The following SLC35F4 variants were observed in gnomAD, a reference collection of about 807,000 sequenced individuals.
SLC35F4 encodes the protein solute carrier family 35 member F4.
SLC35F4 carries 24 observed loss-of-function variants against 44.2 expected under a neutral mutation model. The ratio of observed to expected loss-of-function variants is 0.54; its 90% CI spans 0.39 to 0.76. The LOEUF is 0.76. Among genes scored for constraint, SLC35F4 ranks in the 30% least tolerant of loss-of-function variants. SLC35F4 has a pLI of 0.00. For synonymous variants in SLC35F4, 238 were observed against 223.6 expected (o/e 1.06, Z -0.57); for missense variants, 562 against 586.1 (o/e 0.96, Z 0.42).
At chr14:57,641,200 T>C (rs1476354129) in intron 1 of SLC35F4, among the ~76,000 whole-genome samples, 2 of 151,724 alleles carry the variant, frequency 1.3e-5, no homozygotes, top group East Asian at 3.9e-4. Flanking sequence ...ATCCTAATTA[T>C]TTACTCAGAG....
intron 1 of SLC35F4, among the ~76,000 whole-genome samples, chr14:57,726,407 C>G (rs1301547437): frequency 6.6e-6 from 1 of 152,182 alleles, no homozygotes; most frequent in Non-Finnish European, 1.5e-5. Context: ...ACATGACCAG[C>G]TGCAGAAACA....
chr14:57,622,940 A>G (rs2072269812), intron 1 of SLC35F4, among the ~76,000 whole-genome samples: 1 of 152,194 alleles, frequency 6.6e-6, no homozygotes, highest in Admixed American at 6.5e-5. Flanking sequence ...ATCATATGAC[A>G]GGATCGACTT....
intron 1 of SLC35F4, among the ~76,000 whole-genome samples, chr14:57,894,150 A>G (rs2207259): frequency 0.12 from 18,426 of 152,016 alleles, 1,409 homozygotes; most frequent in East Asian, 0.4. Flanking sequence ...AATTATAAAA[A>G]CCCTATGTTT....
chr14:57,740,691 G>A (rs911698014), intron 1 of SLC35F4, among the ~76,000 whole-genome samples: 4 of 152,180 alleles, frequency 2.6e-5, no homozygotes, highest in Admixed American at 2.6e-4. Flanking sequence ...TACTTATGGT[G>A]ATGGCTATCC....
intron 1 of SLC35F4, among the ~76,000 whole-genome samples, chr14:57,676,442 G>C (rs1224508849): frequency 2.6e-5 from 4 of 152,184 alleles, no homozygotes; most frequent in South Asian, 4.1e-4. Context: ...GGGGAAGAGA[G>C]AGCACCAGGA....
chr14:57,785,313 T>C (rs115280016), intron 1 of SLC35F4, among the ~76,000 whole-genome samples: 2,078 of 152,184 alleles, frequency 0.014, 27 homozygotes, highest in Middle Eastern at 0.034. Flanking sequence ...AACAAACTTC[T>C]CTCCTTGATG....
At chr14:57,948,677 TA>T (rs1401427626) in intron 1 of SLC35F4, among the ~76,000 whole-genome samples, 5 of 152,190 alleles carry the variant, frequency 3.3e-5, no homozygotes, top group Admixed American at 1.3e-4. Context: ...TTTAATGCTA[TA>T]AACTTTCCTC....
At chr14:57,974,912 C>T (rs1364400177), downstream of SLC35F4, among the ~76,000 whole-genome samples, 1 of 152,176 alleles carries the variant, frequency 6.6e-6, no homozygotes, top group Non-Finnish European at 1.5e-5. Flanking sequence ...CCTAGCTAGG[C>T]ATCAAAATCT....
chr14:57,907,542 T>C (rs1326706284), intron 1 of SLC35F4, among the ~76,000 whole-genome samples: 8 of 152,138 alleles, frequency 5.3e-5, no homozygotes, highest in Non-Finnish European at 7.4e-5. Flanking sequence ...TCCAAAAACA[T>C]GGGTTAAAAT....
chr14:57,959,949 C>T (rs1890309983), intron 1 of SLC35F4, among the ~76,000 whole-genome samples: 1 of 152,022 alleles, frequency 6.6e-6, no homozygotes, highest in African/African-American at 2.4e-5. Context: ...AAGAGGGCAC[C>T]AGGACTCCTG....
chr14:57,900,243 G>C (rs1034227750), intron 1 of SLC35F4, among the ~76,000 whole-genome samples: 1 of 152,186 alleles, frequency 6.6e-6, no homozygotes, highest in Non-Finnish European at 1.5e-5. Flanking sequence ...CCTCTCAGTG[G>C]CAGAACTTTC....
Position 57,589,315 on chromosome 14 carries a change from G to A in SLC35F4, c.488C>T (p.Thr163Ile), listed in dbSNP as rs2139887987. 1.2e-6 allele frequency: 2 copies of A among 1,613,962 alleles called. No individual in the cohort carries two copies. The highest frequency in any genetic ancestry group is 4.5e-5 in the East Asian group (2 of 44,882). ...AATGTTCCAGTTTGTTGAAAACCAA[G>A]TCATGAAAAATGGGCAATAGAAGTT... ...YKNFYCPFFM[T>I]WFSTNWNIMF... Residue 163 changes from threonine (T) to isoleucine (I), a missense_variant, in exon 3 of 8, where the codon ACT (threonine) becomes ATT (isoleucine). Transcript: ENST00000556826.
At chr14:57,747,190 T>C (rs563282151) in intron 1 of SLC35F4, among the ~76,000 whole-genome samples, 63 of 152,276 alleles carry the variant, frequency 4.1e-4, no homozygotes, top group African/African-American at 1.5e-3. Flanking sequence ...GCCTGGCTGT[T>C]ATGATACACG....
intron 1 of SLC35F4, among the ~76,000 whole-genome samples, chr14:57,776,037 C>T (rs1162690122): frequency 6.6e-6 from 1 of 152,028 alleles, no homozygotes; most frequent in Non-Finnish European, 1.5e-5. Context: ...ATAAACCAAA[C>T]AGAGGAAAGA....
chr14:57,865,579 C>T, intron 1 of SLC35F4, 144 bp downstream of exon 1: 1 of 626,340 alleles, frequency 1.6e-6, no homozygotes, highest in Non-Finnish European at 2.6e-6. Flanking sequence ...CCGGGGGGTC[C>T]CCGCCGCCAG....
chr14:57,582,505 A>G (rs2069358574), intron 3 of SLC35F4, among the ~76,000 whole-genome samples: 1 of 152,176 alleles, frequency 6.6e-6, no homozygotes, highest in Non-Finnish European at 1.5e-5. Flanking sequence ...CCTGGCTCTG[A>G]GGGGCCATTT....
At chr14:57,626,658 A>G (rs781222486) in intron 1 of SLC35F4, among the ~76,000 whole-genome samples, 11 of 152,166 alleles carry the variant, frequency 7.2e-5, no homozygotes, top group Non-Finnish European at 1.5e-4. Context: ...AGTAATTGCT[A>G]AAAGAACTAT....
intron 1 of SLC35F4, among the ~76,000 whole-genome samples, chr14:57,690,934 T>C (rs2075213239): frequency 6.6e-6 from 1 of 152,166 alleles, no homozygotes; most frequent in Admixed American, 6.6e-5. Flanking sequence ...CACCTCCTGC[T>C]GTGCAGCCCA....
chr14:57,682,030 CTT>C (rs1269326305), intron 1 of SLC35F4, among the ~76,000 whole-genome samples: 1 of 152,172 alleles, frequency 6.6e-6, no homozygotes, highest in East Asian at 1.9e-4. Flanking sequence ...AATAGGAACA[CTT>C]TTACACTGTT....
Sources: gnomAD v4.1 joint callset for allele counts (sites outside exome capture counted in the v4.1 genomes callset) on GRCh38, gnomAD v4.1.1 for gene constraint, MANE v1.5 for transcripts, NCBI Gene and HGNC (gene_info 2026-07-23, HGNC 2026-07-21) for gene names.